The following SCN1A variants were observed in gnomAD, a reference collection of about 807,000 sequenced individuals.
SCN1A encodes sodium voltage-gated channel alpha subunit 1.
In SCN1A, 13 loss-of-function variants were observed where a neutral mutation model predicts 193.7. That is an observed-to-expected ratio of 0.07 (90% CI 0.04 to 0.11). SCN1A has a LOEUF of 0.11. SCN1A is among the 10% of genes least tolerant of loss of function. The probability of loss-of-function intolerance (pLI) is 1.00; values close to 1 mark genes in which losing one functional copy is unlikely to be tolerated. For synonymous variants in SCN1A, 781 were observed against 843.6 expected, an observed-to-expected ratio of 0.93 and a Z score of 1.29; for missense variants, 1,432 against 2,451.1, an observed-to-expected ratio of 0.58 and a Z score of 8.78.
At position 166,042,395 on chromosome 2, in the gene SCN1A, C is replaced by G. The variant is rs1209090735; in HGVS notation, c.2073G>C (p.Lys691Asn). ...NGTTTETEMR[K>N]RRSSSFHVSM... ...AAACGTGGAAAGAACTTGACCTTCT[C>G]TTTCTCATTTCAGTTTCAGTGGTTG... is the stretch of plus-strand genomic sequence containing the variant. Residue 691 changes from lysine (K) to asparagine (N), a missense_variant, in exon 15 of 29, where the codon AAG becomes AAC. Around this residue, in one of 18 missense-constraint regions of SCN1A, gnomAD observed 316 missense variants for 362.1 expected, o/e 0.87. Transcript: ENST00000674923. 1.9e-6 allele frequency: 3 copies of G among 1,613,730 alleles called. No individual in the cohort carries two copies. Among genetic ancestry groups the G allele is most frequent in the South Asian group, 2.2e-5 (2 of 91,082 alleles).
intron 2 of SCN1A, among the ~76,000 whole-genome samples, chr2:166,083,671 T>C (rs1033637871): frequency 6.6e-6 from 1 of 152,086 alleles, no homozygotes; most frequent in Non-Finnish European, 1.5e-5. Flanking sequence ...AATTTCATTT[T>C]TTTCCTTACA....
chr2:166,117,901 T>C (rs781462591), intron 2 of SCN1A, among the ~76,000 whole-genome samples: 1 of 151,556 alleles, frequency 6.6e-6, no homozygotes, highest in Non-Finnish European at 1.5e-5. Flanking sequence ...AGGCGGAGAT[T>C]GCAGTGAGCC....
At chr2:166,034,277 A>G (rs1157633937) in intron 19 of SCN1A, among the ~76,000 whole-genome samples, 1 of 152,180 alleles carries the variant, frequency 6.6e-6, no homozygotes, top group South Asian at 2.1e-4. Flanking sequence ...CAGCTCCAAT[A>G]TTAGCCCCCT....
intron 2 of SCN1A, among the ~76,000 whole-genome samples, chr2:166,117,232 G>C (rs753680007): frequency 6.6e-5 from 10 of 152,086 alleles, no homozygotes; most frequent in Non-Finnish European, 1.5e-4. Context: ...AGCTAGTTTA[G>C]CTTGCAACTC....
rs71393701 is a variant in SCN1A, at chr2:166,097,010, GT to G, written c.-141-19210del. Among the ~76,000 whole-genome samples the G allele has an allele frequency of 1.0e-3, 158 of 151,700 alleles. 1 individual carries two copies. The highest frequency in any genetic ancestry group is 3.7e-3 in the African/African-American group (151 of 41,366). On this transcript the variant is annotated intron_variant, in intron 2 of 28. Coordinates refer to ENST00000674923, the MANE Select transcript of SCN1A (RefSeq NM_001165963.4). The stretch of plus-strand genomic sequence containing the variant: ...ATATACTTCTTTCTTCTTTGTGTGT[GT>G]TTTTTTTGTTTTTGTTTTTGTGTTT...
chr2:166,003,594 T>G (rs1691244471), intron 23 of SCN1A, among the ~76,000 whole-genome samples: 1 of 151,366 alleles, frequency 6.6e-6, no homozygotes, highest in Non-Finnish European at 1.5e-5. Flanking sequence ...AAATCTTGAG[T>G]GTTCATGTTT....
intron 2 of SCN1A, among the ~76,000 whole-genome samples, chr2:166,090,375 C>G (rs568969672): frequency 6.6e-6 from 1 of 152,120 alleles, no homozygotes; most frequent in South Asian, 2.1e-4. Flanking sequence ...AACTGCTACA[C>G]GTGGACAGCC....
intron 2 of SCN1A, among the ~76,000 whole-genome samples, chr2:166,112,763 C>T (rs1689433062): frequency 6.6e-6 from 1 of 152,236 alleles, no homozygotes; most frequent in Admixed American, 6.5e-5. Context: ...TACATAGCTT[C>T]AGGATTGAGG....
At chr2:166,107,514 G>A (rs1483122723) in intron 2 of SCN1A, among the ~76,000 whole-genome samples, 1 of 152,110 alleles carries the variant, frequency 6.6e-6, no homozygotes, top group African/African-American at 2.4e-5. Flanking sequence ...ATTGAACATT[G>A]TATGGTAAAT....
At chr2:166,120,359 G>A (rs1690403972) in intron 2 of SCN1A, among the ~76,000 whole-genome samples, 1 of 150,416 alleles carries the variant, frequency 6.6e-6, no homozygotes. Flanking sequence ...CTTTTTCTAA[G>A]GAAAAACATG....
chr2:166,089,628 G>A (rs537501646), intron 2 of SCN1A, among the ~76,000 whole-genome samples: 3 of 152,056 alleles, frequency 2.0e-5, no homozygotes, highest in Non-Finnish European at 4.4e-5. Context: ...AATACATATG[G>A]ATGAATTACT....
rs199760390 is a variant in SCN1A at position 166,039,004 on chromosome 2, AT to A, written c.2589+418del. On this transcript the variant is annotated intron_variant, in intron 17 of 28. Transcript: ENST00000674923. ...CTCCTTTGACTTTCGCAAGATGCATATTTTCCAGAGACAGAATTAGAAAAAG... is the reference window on the plus strand; with the variant it reads ...CTCCTTTGACTTTCGCAAGATGCATATTTCCAGAGACAGAATTAGAAAAAG... 7.3e-3 allele frequency among the ~76,000 whole-genome samples: 1,117 copies of A among 152,284 alleles called. 22 individuals carry two copies. The highest frequency in any genetic ancestry group is 0.026 in the African/African-American group (1,074 of 41,552).
Position 166,038,409 on chromosome 2 carries a change from C to T in SCN1A, c.2590-277G>A, listed in dbSNP as rs140171861. Among the ~76,000 whole-genome samples the T allele has an allele frequency of 7.4e-3, 1,117 of 151,696 alleles. 22 individuals carry two copies. Among genetic ancestry groups the T allele is most frequent in the African/African-American group, 0.026 (1,070 of 41,360 alleles). ...AGGCGGGAGTGCAGAGGAGTGATCT[C>T]GGCTCACTGCAACCTCTGCCTCCCA... is the stretch of plus-strand genomic sequence containing the variant. On this transcript the variant is annotated intron_variant, in intron 17 of 28. Transcript: ENST00000674923.
At chr2:166,001,236 C>T (rs1690786429) in intron 24 of SCN1A, among the ~76,000 whole-genome samples, 1 of 151,746 alleles carries the variant, frequency 6.6e-6, no homozygotes, top group Admixed American at 6.6e-5. Flanking sequence ...AATCCTCCAG[C>T]TTTGGCCTCC....
intron 2 of SCN1A, among the ~76,000 whole-genome samples, chr2:166,100,725 A>C (rs1687953188): frequency 7.3e-6 from 1 of 136,290 alleles, no homozygotes; most frequent in Non-Finnish European, 1.6e-5. Context: ...TCTCAAAAGA[A>C]GACATTTATG....
At position 166,013,869 on chromosome 2, in the gene SCN1A, T is replaced by C; in HGVS notation, c.3580A>G (p.Ile1194Val). The C allele has an allele frequency of 6.2e-7, 1 of 1,612,206 alleles. No individual in the cohort carries two copies. The highest frequency in any genetic ancestry group is 8.5e-7 in the Non-Finnish European group (1 of 1,178,624). Reference sequence around the variant, plus strand: ...TTTCCTCTGCCTTCTTCCACATTGATTTGACAACACTTGAATCTTTGTACA... The same window carrying C: ...TTTCCTCTGCCTTCTTCCACATTGACTTGACAACACTTGAATCTTTGTACA... ...GCVQRFKCCQ[I>V]NVEEGRGKQW... Residue 1194 changes from isoleucine (I) to valine (V), a missense_variant, in exon 21 of 29, where the codon ATC (isoleucine) becomes GTC (valine). Coordinates refer to ENST00000674923, the MANE Select transcript of SCN1A (RefSeq NM_001165963.4).
At chr2:166,010,215 C>T (rs1692248223) in intron 22 of SCN1A, among the ~76,000 whole-genome samples, 1 of 150,860 alleles carries the variant, frequency 6.6e-6, no homozygotes, top group South Asian at 2.1e-4. Context: ...TTTCTTGTAG[C>T]TAGTTATAAA....
At chr2:166,019,535 CT>C (rs1299694519) in intron 19 of SCN1A, among the ~76,000 whole-genome samples, 1 of 152,020 alleles carries the variant, frequency 6.6e-6, no homozygotes, top group Non-Finnish European at 1.5e-5. Context: ...TTTTTGTTTA[CT>C]TTTACTTATT....
chr2:166,028,740 T>A (rs1695144143), intron 19 of SCN1A, among the ~76,000 whole-genome samples: 1 of 152,206 alleles, frequency 6.6e-6, no homozygotes, highest in Non-Finnish European at 1.5e-5. Flanking sequence ...ATATTTGAAC[T>A]TTTTCACTAC....
Sources: gnomAD v4.1 joint callset for allele counts (sites outside exome capture counted in the v4.1 genomes callset) on GRCh38, gnomAD v4.1.1 for gene constraint, gnomAD v4.1.1 regional missense constraint, MANE v1.5 for transcripts, NCBI Gene and HGNC (gene_info 2026-07-23, HGNC 2026-07-21) for gene names.